The following PXDNL variants were observed in gnomAD, a reference collection of about 807,000 sequenced individuals.
PXDNL encodes the protein peroxidasin like.
Under a neutral mutation model 150.8 loss-of-function variants are expected in PXDNL, and 145 were observed. That is an observed-to-expected ratio of 0.96 (90% confidence interval 0.84 to 1.10). The LOEUF is 1.10. Ranked by LOEUF, PXDNL falls within the 50% of genes least tolerant of loss-of-function variation. PXDNL has a pLI of 0.00. For synonymous variants in PXDNL, 757 were observed against 725.7 expected, an observed-to-expected ratio of 1.04 and a Z score of -0.69; for missense variants, 2,087 against 1,873.9, an observed-to-expected ratio of 1.11 and a Z score of -2.10.
At chr8:51,436,311 T>A (rs1336877392) in intron 12 of PXDNL, 1 of 477,344 alleles carries the variant, frequency 2.1e-6, no homozygotes, top group East Asian at 6.0e-5. Flanking sequence ...GACCTTGTTT[T>A]GTCTTAAATC....
intron 1 of PXDNL, among the ~76,000 whole-genome samples, chr8:51,789,515 C>A (rs1343279159): frequency 6.6e-6 from 1 of 152,114 alleles, no homozygotes; most frequent in Non-Finnish European, 1.5e-5. Context: ...AACCCAGAGG[C>A]TTGGGGATTA....
At chr8:51,631,336 C>T (rs552902850) in intron 2 of PXDNL, among the ~76,000 whole-genome samples, 3 of 152,188 alleles carry the variant, frequency 2.0e-5, no homozygotes, top group African/African-American at 7.2e-5. Context: ...GGGTATGATG[C>T]TCATTAGCTG....
chr8:51,706,997 AAG>A (rs1816393642), intron 1 of PXDNL, among the ~76,000 whole-genome samples: 1 of 152,224 alleles, frequency 6.6e-6, no homozygotes, highest in African/African-American at 2.4e-5. Flanking sequence ...TAGCATTCAA[AAG>A]AGAATTGCAC....
intron 4 of PXDNL, among the ~76,000 whole-genome samples, chr8:51,502,866 G>A (rs1176681065): frequency 6.6e-6 from 1 of 152,042 alleles, no homozygotes; most frequent in Admixed American, 6.6e-5. Flanking sequence ...CTTATATACT[G>A]AGCCACCTAA....
chr8:51,663,278 A>C (rs1428320431), intron 1 of PXDNL, among the ~76,000 whole-genome samples: 1 of 152,202 alleles, frequency 6.6e-6, no homozygotes, highest in Non-Finnish European at 1.5e-5. Context: ...ATGGACCAGC[A>C]GGCCCACCAT....
At chr8:51,423,975 ATTAT>A (rs1369359443) in intron 13 of PXDNL, among the ~76,000 whole-genome samples, 1 of 152,170 alleles carries the variant, frequency 6.6e-6, no homozygotes, top group East Asian at 1.9e-4. Flanking sequence ...CAATCATGTA[ATTAT>A]TTAACATAAT....
intron 21 of PXDNL, among the ~76,000 whole-genome samples, chr8:51,323,530 C>T (rs1288254472): frequency 6.6e-6 from 1 of 152,182 alleles, no homozygotes; most frequent in Non-Finnish European, 1.5e-5. Flanking sequence ...CTCAAGCAAT[C>T]ACTCTGTCTT....
At chr8:51,801,072 G>A (rs4348481) in intron 1 of PXDNL, among the ~76,000 whole-genome samples, 6,512 of 152,230 alleles carry the variant, frequency 0.043, 458 homozygotes, top group African/African-American at 0.14. Flanking sequence ...TGACGTGCAA[G>A]TAGGAGAAAT....
intron 2 of PXDNL, among the ~76,000 whole-genome samples, chr8:51,599,700 C>A (rs549075136): frequency 5.8e-4 from 71 of 122,078 alleles, no homozygotes; most frequent in African/African-American, 1.7e-3. Context: ...TAAATTATAT[C>A]TTATATAAAT....
At chr8:51,714,435 C>G (rs1277309557) in intron 1 of PXDNL, among the ~76,000 whole-genome samples, 1 of 152,174 alleles carries the variant, frequency 6.6e-6, no homozygotes, top group African/African-American at 2.4e-5. Context: ...ACAGACACTT[C>G]AGTCATTCTG....
At chr8:51,413,029 C>T in intron 15 of PXDNL, 121 bp downstream of exon 15, 2 of 632,652 alleles carry the variant, frequency 3.2e-6, no homozygotes, top group South Asian at 3.9e-5. Context: ...GGGATGCATA[C>T]ACAAGGACTA....
intron 4 of PXDNL, among the ~76,000 whole-genome samples, chr8:51,526,708 G>A (rs1275264275): frequency 6.6e-6 from 1 of 152,170 alleles, no homozygotes; most frequent in Non-Finnish European, 1.5e-5. Flanking sequence ...GGGGCATTTG[G>A]CATGGAGTGG....
intron 5 of PXDNL, among the ~76,000 whole-genome samples, chr8:51,498,295 G>A (rs1014494865): frequency 7.7e-6 from 1 of 129,710 alleles, no homozygotes; most frequent in Admixed American, 8.1e-5. Context: ...GTCGGGGGAG[G>A]GGGGAGGGAT....
intron 2 of PXDNL, among the ~76,000 whole-genome samples, chr8:51,593,011 C>T (rs1813478987): frequency 6.6e-6 from 1 of 152,150 alleles, no homozygotes; most frequent in Non-Finnish European, 1.5e-5. Flanking sequence ...TCAACATAGT[C>T]ATGGTAACAA....
At chr8:51,431,911 T>C (rs1013188999) in intron 12 of PXDNL, among the ~76,000 whole-genome samples, 12 of 152,218 alleles carry the variant, frequency 7.9e-5, no homozygotes, top group African/African-American at 2.4e-4. Context: ...ATTCTCTATA[T>C]ATTACAGATA....
rs567458796 is a variant in PXDNL at position 51,475,036 on chromosome 8, G to A, written c.630C>T (p.Cys210=). The change falls in exon 7 of 23, where the codon TGC becomes TGT. Residue 210 remains cysteine, a synonymous_variant. Transcript: ENST00000356297. ...QHGHTQAAAT[C]EYPRRLHGRA... is the part of the protein sequence containing the mutation. ...GCCCATGGAGTCTCCTGGGATATTC[G>A]CAGGTAGCCGCAGCCTGGGTGTGGC... The A allele has an allele frequency of 1.3e-5, 21 of 1,612,790 alleles. No individual in the cohort carries two copies. The highest frequency in any genetic ancestry group is 1.7e-5 in the Admixed American group (1 of 59,882).
chr8:51,738,152 C>T (rs1053824775), intron 1 of PXDNL, among the ~76,000 whole-genome samples: 1 of 152,224 alleles, frequency 6.6e-6, no homozygotes. Flanking sequence ...ACCCACAATA[C>T]AAATATAGTG....
At chr8:51,620,293 G>A (rs753172432) in intron 2 of PXDNL, among the ~76,000 whole-genome samples, 34 of 152,052 alleles carry the variant, frequency 2.2e-4, no homozygotes, top group Non-Finnish European at 3.8e-4. Flanking sequence ...AAGGTTTCAC[G>A]AATGCCTCTA....
chr8:51,376,759 C>G (rs1174673529), intron 17 of PXDNL, among the ~76,000 whole-genome samples: 1 of 151,768 alleles, frequency 6.6e-6, no homozygotes, highest in African/African-American at 2.4e-5. Flanking sequence ...TACTCTGTCC[C>G]CCAGGCTGGA....
Sources: allele counts gnomAD v4.1 joint callset (sites outside exome capture counted in the v4.1 genomes callset), GRCh38; gene constraint gnomAD v4.1.1; transcripts MANE v1.5; gene names NCBI Gene and HGNC (gene_info 2026-07-23, HGNC 2026-07-21).